The following INPP4B variants were observed in gnomAD, a reference collection of about 807,000 sequenced individuals.
INPP4B encodes the protein inositol polyphosphate 4-phosphatase type II.
INPP4B carries 55 observed loss-of-function variants against 122.5 expected under a neutral mutation model. That is an observed-to-expected ratio of 0.45 (90% CI 0.36 to 0.56). The LOEUF is 0.56. Ranked by LOEUF, INPP4B falls within the 20% of genes least tolerant of loss-of-function variation. The pLI is 0.00. For missense variants in INPP4B, 1,000 were observed against 1,097.7 expected (o/e 0.91, Z 1.26); for synonymous variants, 403 against 388.7 (o/e 1.04, Z -0.43).
intron 1 of INPP4B, among the ~76,000 whole-genome samples, chr4:142,733,104 T>C (rs1417596405): frequency 6.6e-6 from 1 of 152,164 alleles, no homozygotes; most frequent in African/African-American, 2.4e-5. Flanking sequence ...TGGTGCTGAA[T>C]GAATTACATA....
chr4:142,198,998 C>T lies in INPP4B; in HGVS notation c.1073-5803G>A, dbSNP rs115845759. Among the ~76,000 whole-genome samples the T allele has an allele frequency of 5.1e-3, 777 of 152,094 alleles. 10 individuals are homozygous for T. Among genetic ancestry groups the T allele is most frequent in the African/African-American group, 0.018 (739 of 41,530 alleles). The stretch of plus-strand genomic sequence containing the variant: ...TGTGTAATGTATCCAGCTAGAAATA[C>T]TTACTTCTTCCTCTTTCCTATTATA... On this transcript the variant is annotated intron_variant, in intron 14 of 25. Coordinates refer to ENST00000262992, the MANE Select transcript of INPP4B (RefSeq NM_001101669.3).
intron 2 of INPP4B, among the ~76,000 whole-genome samples, chr4:142,658,472 T>C (rs923521122): frequency 6.6e-6 from 1 of 152,388 alleles, no homozygotes; most frequent in East Asian, 1.9e-4. Flanking sequence ...GAAACTTATT[T>C]TGAATGATTT....
intron 7 of INPP4B, among the ~76,000 whole-genome samples, chr4:142,382,170 G>A (rs1794343718): frequency 6.6e-6 from 1 of 152,074 alleles, no homozygotes; most frequent in Non-Finnish European, 1.5e-5. Flanking sequence ...CAACAGAAAT[G>A]TATTCCCATC....
intron 9 of INPP4B, among the ~76,000 whole-genome samples, chr4:142,301,945 T>A (rs1761602677): frequency 6.6e-6 from 1 of 152,166 alleles, no homozygotes; most frequent in African/African-American, 2.4e-5. Flanking sequence ...ACAGAGAGAA[T>A]CAACTTTTAT....
chr4:142,712,688 T>C (rs1443185), intron 2 of INPP4B, among the ~76,000 whole-genome samples: 96,358 of 152,086 alleles, frequency 0.63, 30,754 homozygotes, highest in East Asian at 0.78. Context: ...TAAAGACATA[T>C]TTGTTACCAT....
At chr4:142,589,643 G>A (rs185225269) in intron 2 of INPP4B, among the ~76,000 whole-genome samples, 5 of 152,228 alleles carry the variant, frequency 3.3e-5, no homozygotes, top group Middle Eastern at 3.4e-3. Flanking sequence ...TAGTAAGGAT[G>A]CAGATCAACA....
chr4:142,173,484 G>T, intron 16 of INPP4B, 148 bp downstream of exon 16: 2 of 617,912 alleles, frequency 3.2e-6, no homozygotes, highest in African/African-American at 1.9e-5. Context: ...AATTCATTTT[G>T]ATCCTGTGGC....
At chr4:142,557,967 T>A (rs1321413640) in intron 2 of INPP4B, among the ~76,000 whole-genome samples, 1 of 152,228 alleles carries the variant, frequency 6.6e-6, no homozygotes, top group African/African-American at 2.4e-5. Flanking sequence ...ATCCTGTTTC[T>A]AAACTCTGTT....
chr4:142,521,021 A>G (rs1233615506), intron 2 of INPP4B, among the ~76,000 whole-genome samples: 1 of 151,922 alleles, frequency 6.6e-6, no homozygotes, highest in Non-Finnish European at 1.5e-5. Flanking sequence ...ATTAAGTATG[A>G]TGACCTACAC....
intron 1 of INPP4B, among the ~76,000 whole-genome samples, chr4:142,802,896 G>A (rs1386631778): frequency 1.3e-5 from 2 of 151,890 alleles, no homozygotes; most frequent in Non-Finnish European, 2.9e-5. Context: ...CAGGCTGGGT[G>A]CGGTGGCTCA....
intron 2 of INPP4B, among the ~76,000 whole-genome samples, chr4:142,659,164 C>G (rs1269165979): frequency 1.3e-5 from 2 of 151,800 alleles, no homozygotes; most frequent in African/African-American, 2.4e-5. Flanking sequence ...CTTTGGGAGG[C>G]CGAGGCGGGC....
chr4:142,249,125 G>C (rs1730638871), intron 11 of INPP4B, among the ~76,000 whole-genome samples: 1 of 152,078 alleles, frequency 6.6e-6, no homozygotes, highest in Admixed American at 6.6e-5. Flanking sequence ...ACATATTTAT[G>C]ACTAATAGCA....
At chr4:142,634,078 T>G (rs1261509482) in intron 2 of INPP4B, among the ~76,000 whole-genome samples, 1 of 151,996 alleles carries the variant, frequency 6.6e-6, no homozygotes, top group Non-Finnish European at 1.5e-5. Flanking sequence ...AGGGAGATAT[T>G]AGAAACACTT....
At chr4:142,572,714 C>T (rs1019310990) in intron 2 of INPP4B, among the ~76,000 whole-genome samples, 2 of 151,788 alleles carry the variant, frequency 1.3e-5, no homozygotes, top group Non-Finnish European at 2.9e-5. Context: ...TTGATTAGAT[C>T]CTTACACTCT....
intron 21 of INPP4B, among the ~76,000 whole-genome samples, chr4:142,117,321 A>G (rs185437364): frequency 7.2e-5 from 11 of 152,342 alleles, no homozygotes; most frequent in Admixed American, 2.6e-4. Context: ...TGAGGCCAGC[A>G]TCATCCTGAT....
intron 2 of INPP4B, among the ~76,000 whole-genome samples, chr4:142,700,349 A>G (rs1761572040): frequency 6.6e-6 from 1 of 152,202 alleles, no homozygotes; most frequent in Non-Finnish European, 1.5e-5. Flanking sequence ...GACACATTTT[A>G]TGGCTTCTCT....
intron 2 of INPP4B, among the ~76,000 whole-genome samples, chr4:142,544,207 A>G (rs1829290349): frequency 6.6e-6 from 1 of 150,802 alleles, no homozygotes; most frequent in African/African-American, 2.4e-5. Flanking sequence ...AGTCTACAGG[A>G]TAAGAGATGC....
chr4:142,189,471 C>A (rs1228343982), intron 15 of INPP4B, among the ~76,000 whole-genome samples: 1 of 152,020 alleles, frequency 6.6e-6, no homozygotes, highest in African/African-American at 2.4e-5. Flanking sequence ...AAGAAAAAAA[C>A]CTAATACATT....
intron 1 of INPP4B, among the ~76,000 whole-genome samples, chr4:142,757,165 A>G (rs932380496): frequency 6.6e-6 from 1 of 152,152 alleles, no homozygotes; most frequent in African/African-American, 2.4e-5. Flanking sequence ...AAGTACACAG[A>G]GTTGTCATAT....
Sources: allele counts gnomAD v4.1 joint callset (sites outside exome capture counted in the v4.1 genomes callset), GRCh38; gene constraint gnomAD v4.1.1; transcripts MANE v1.5; gene names NCBI Gene and HGNC (gene_info 2026-07-23, HGNC 2026-07-21).